ARHGAP26: variants seen among roughly 807,000 people sequenced by gnomAD.
The protein encoded by ARHGAP26 is rho GTPase-activating protein 26.
Under a neutral mutation model 104.8 loss-of-function variants are expected in ARHGAP26, and 38 were observed. The ratio of observed to expected loss-of-function variants is 0.36; its 90% CI spans 0.28 to 0.48. The LOEUF (loss-of-function observed/expected upper bound fraction) is 0.48, where lower values mean the gene tolerates loss of function less well. Among genes scored for constraint, ARHGAP26 ranks in the 20% least tolerant of loss-of-function variants. The pLI, the probability that ARHGAP26 is intolerant of heterozygous loss-of-function variation, is 0.99. For synonymous variants in ARHGAP26, 341 were observed against 340.0 expected (o/e 1.00, Z -0.03); for missense variants, 704 against 947.9 (o/e 0.74, Z 3.38).
chr5:142,777,452 G>T lies in ARHGAP26; in HGVS notation c.154+6537G>T, dbSNP rs2151825335. On this transcript the variant is annotated intron_variant, in intron 1 of 22. Coordinates refer to ENST00000645722, the MANE Select transcript of ARHGAP26 (RefSeq NM_001135608.3). ...TACTGGGGAAAGCAAGTTGTAAAGG[G>T]GACTTTGTTATCCTGTCAAGGTCAT... Among the ~76,000 whole-genome samples the T allele has an allele frequency of 3.3e-5, 5 of 152,314 alleles. No individual in the cohort carries two copies. In the Middle Eastern group the frequency reaches 0.017, roughly 518 times the overall value.
intron 11 of ARHGAP26, among the ~76,000 whole-genome samples, chr5:142,967,356 T>TG (rs1248179819): frequency 6.6e-6 from 1 of 152,150 alleles, no homozygotes; most frequent in African/African-American, 2.4e-5. Context: ...CTTCTGATGG[T>TG]GTGGTGACCT....
intron 11 of ARHGAP26, among the ~76,000 whole-genome samples, chr5:142,935,390 C>T (rs753560127): frequency 2.0e-5 from 3 of 152,140 alleles, no homozygotes; most frequent in Non-Finnish European, 2.9e-5. Flanking sequence ...GCCATGTGGT[C>T]GCGATTGCAG....
At chr5:142,844,715 C>T (rs939580011) in intron 1 of ARHGAP26, among the ~76,000 whole-genome samples, 1 of 151,858 alleles carries the variant, frequency 6.6e-6, no homozygotes, top group African/African-American at 2.4e-5. Context: ...ATTAGCCGGG[C>T]CTGGTGGTGG....
At chr5:143,121,450 C>G (rs1389777123) in intron 18 of ARHGAP26, among the ~76,000 whole-genome samples, 1 of 152,104 alleles carries the variant, frequency 6.6e-6, no homozygotes, top group Non-Finnish European at 1.5e-5. Flanking sequence ...GTTATTTTAT[C>G]CTCACAACAA....
chr5:142,936,686 T>C (rs1202066291), intron 11 of ARHGAP26, among the ~76,000 whole-genome samples: 1 of 152,178 alleles, frequency 6.6e-6, no homozygotes, highest in East Asian at 1.9e-4. Context: ...CGTAGATCAA[T>C]GGAACAGAAT....
At chr5:142,996,110 C>T (rs1776341258) in intron 11 of ARHGAP26, among the ~76,000 whole-genome samples, 1 of 152,146 alleles carries the variant, frequency 6.6e-6, no homozygotes, top group African/African-American at 2.4e-5. Context: ...TTGACGGGTG[C>T]AGCAAACCGA....
intron 1 of ARHGAP26, among the ~76,000 whole-genome samples, chr5:142,854,130 C>T (rs868298971): frequency 3.9e-5 from 6 of 152,302 alleles, no homozygotes; most frequent in African/African-American, 1.2e-4. Context: ...TGTTTAATGG[C>T]ACACTTTGAT....
intron 17 of ARHGAP26, among the ~76,000 whole-genome samples, chr5:143,090,114 G>A (rs1791190017): frequency 6.6e-6 from 1 of 152,250 alleles, no homozygotes; most frequent in Non-Finnish European, 1.5e-5. Context: ...CGTGAACTTA[G>A]TGTTGGGAGA....
At chr5:142,986,742 C>G (rs1468304692) in intron 11 of ARHGAP26, among the ~76,000 whole-genome samples, 2 of 152,186 alleles carry the variant, frequency 1.3e-5, no homozygotes, top group Non-Finnish European at 2.9e-5. Context: ...GTTTTCCCAG[C>G]ACCATTTATT....
intron 20 of ARHGAP26, among the ~76,000 whole-genome samples, chr5:143,186,731 G>C (rs1805195642): frequency 1.3e-5 from 2 of 152,198 alleles, no homozygotes; most frequent in Admixed American, 1.3e-4. Flanking sequence ...GAGCACCTAT[G>C]AACTTGTCTG....
At chr5:142,890,148 AAAAATATATATAT>A (rs1194763899) in intron 5 of ARHGAP26, among the ~76,000 whole-genome samples, 78 of 83,224 alleles carry the variant, frequency 9.4e-4, no homozygotes, top group Non-Finnish European at 1.5e-3. Flanking sequence ...AAAAAAAAAA[AAAAATATATATAT>A]ATATATATAT....
chr5:142,981,338 A>T (rs2152730150), intron 11 of ARHGAP26, among the ~76,000 whole-genome samples: 1 of 152,358 alleles, frequency 6.6e-6, no homozygotes, highest in South Asian at 2.1e-4. Flanking sequence ...TCAATGAGAC[A>T]TGCATCCTTA....
chr5:143,160,836 A>G (rs1399091955), intron 20 of ARHGAP26, among the ~76,000 whole-genome samples: 20 of 152,034 alleles, frequency 1.3e-4, no homozygotes, highest in Admixed American at 1.2e-3. Flanking sequence ...CATTCCATCA[A>G]TGGCCAAATG....
At chr5:143,084,018 G>T (rs1562390765) in intron 17 of ARHGAP26, among the ~76,000 whole-genome samples, 1 of 152,330 alleles carries the variant, frequency 6.6e-6, no homozygotes, top group Middle Eastern at 3.4e-3. Context: ...TAAAGCATCT[G>T]CAGGCTCTCG....
chr5:142,987,777 T>G (rs1774984922), intron 11 of ARHGAP26, among the ~76,000 whole-genome samples: 1 of 152,254 alleles, frequency 6.6e-6, no homozygotes, highest in South Asian at 2.1e-4. Context: ...TCTTTGGTTC[T>G]GTTTATATGC....
intron 21 of ARHGAP26, among the ~76,000 whole-genome samples, chr5:143,210,584 G>T (rs768510436): frequency 8.5e-5 from 13 of 152,126 alleles, no homozygotes; most frequent in Non-Finnish European, 1.9e-4. Flanking sequence ...TCTTTCACTT[G>T]CTCACCCCTC....
chr5:142,827,295 C>G (rs1767488689), intron 1 of ARHGAP26, among the ~76,000 whole-genome samples: 1 of 152,172 alleles, frequency 6.6e-6, no homozygotes, highest in Admixed American at 6.5e-5. Flanking sequence ...GTGGCATCTG[C>G]AGGAGGGATT....
intron 1 of ARHGAP26, among the ~76,000 whole-genome samples, chr5:142,856,282 G>A (rs142747062): frequency 6.6e-6 from 1 of 152,256 alleles, no homozygotes; most frequent in East Asian, 1.9e-4. Context: ...GGAGGGCCAG[G>A]TGGCAGTCGG....
chr5:142,864,718 T>C (rs1429816790), intron 1 of ARHGAP26, among the ~76,000 whole-genome samples: 3 of 152,220 alleles, frequency 2.0e-5, no homozygotes, highest in Non-Finnish European at 2.9e-5. Flanking sequence ...GCCGGGGGCA[T>C]CCCTGTCCTC....
Sources: allele counts gnomAD v4.1 joint callset (sites outside exome capture counted in the v4.1 genomes callset), GRCh38; gene constraint gnomAD v4.1.1; transcripts MANE v1.5; gene names NCBI Gene and HGNC (gene_info 2026-07-23, HGNC 2026-07-21).